The following SART1 variants were observed in gnomAD, a reference collection of about 807,000 sequenced individuals.
The protein encoded by SART1 is U4/U6.U5 tri-snRNP-associated protein 1.
Under a neutral mutation model 105.0 loss-of-function variants are expected in SART1, and 28 were observed. The observed-to-expected ratio is 0.27, with a 90% CI of 0.20 to 0.37. SART1 has a LOEUF of 0.37. SART1 is among the 10% of genes least tolerant of loss of function. The pLI is 1.00. For missense variants in SART1, 894 were observed against 1,106.5 expected, an observed-to-expected ratio of 0.81 and a Z score of 2.72; for synonymous variants, 472 against 462.9, an observed-to-expected ratio of 1.02 and a Z score of -0.25.
At chr11:65,963,792 G>A (rs1358802247) in intron 1 of SART1, among the ~76,000 whole-genome samples, 1 of 152,176 alleles carries the variant, frequency 6.6e-6, no homozygotes, top group African/African-American at 2.4e-5. Flanking sequence ...GACCTTGTCT[G>A]TTAAAAATGA....
chr11:65,965,319 G>T, intron 4 of SART1, 23 bp from the exon 5 acceptor site: 1 of 1,595,642 alleles, frequency 6.3e-7, no homozygotes, highest in South Asian at 1.1e-5. Context: ...GGCTCCTTGA[G>T]CATCACTTTT....
rs1381665548 is a variant in SART1 at position 65,979,102 on chromosome 11, T to A, written c.*72T>A. 1.9e-6 allele frequency: 3 copies of A among 1,592,980 alleles called. No individual in the cohort carries two copies. The African/African-American group carries it at 4.0e-5, about 21-fold the overall frequency. ...AGCTCCCTCCTTATTTTTTCCTCCC[T>A]GGTCGTGGTACAGATTCCAGGGTTG... On this transcript the variant is annotated 3_prime_UTR_variant, in exon 20 of 20. Coordinates refer to ENST00000312397, the MANE Select transcript of SART1 (RefSeq NM_005146.5).
intron 12 of SART1, 76 bp downstream of exon 12, chr11:65,967,897 C>G (rs1349825033): frequency 5.0e-6 from 6 of 1,210,598 alleles, no homozygotes; most frequent in Non-Finnish European, 6.7e-6. Flanking sequence ...TAGGCGACAG[C>G]CACATTCCTG....
In SART1 at chr11:65,962,032, C is replaced by G. The variant is rs1406493803; in HGVS notation, c.252C>G (p.Ser84Arg). ...ARSSTHGRER[S>R]QAEPSERRVK... ...GCAGCACGCACGGGCGGGAGCGCAG[C>G]CAGGCAGAGCCCTCCGAGCGGCGCG... is the stretch of plus-strand genomic sequence containing the variant. The change falls in exon 1 of 20, where the codon AGC becomes AGG. Residue 84 changes from serine to arginine, a missense_variant. Physicochemically the swap from Ser to Arg is moderately radical, Grantham distance 110. Coordinates refer to ENST00000312397, the MANE Select transcript of SART1 (RefSeq NM_005146.5). 6.6e-7 allele frequency: 1 copy of G among 1,505,010 alleles called. No homozygotes were observed. Among genetic ancestry groups the G allele is most frequent in the South Asian group, 1.2e-5 (1 of 80,746 alleles). 93.2% of individuals were successfully genotyped at this position (1,505,010 alleles called of 1,614,324 possible).
chr11:65,962,220 A>G lies in SART1; in HGVS notation c.313+127A>G, dbSNP rs377261046. 9.7e-5 allele frequency: 68 copies of G among 700,400 alleles called. No individual in the cohort carries two copies. The African/African-American group carries it at 1.1e-3, about 11-fold the overall frequency. The allele number at this position is 700,400 out of a possible 1,614,324, so 43.4% of individuals were successfully genotyped here. A position where few individuals can be genotyped will look rare whatever the true frequency, so the allele number is the denominator to read the frequency against. On this transcript the variant is annotated intron_variant, in intron 1 of 19. Coordinates refer to ENST00000312397, the MANE Select transcript of SART1 (RefSeq NM_005146.5). ...AACCCCCAAGCTGTTTACCAGCTCT[A>G]TTAAATAGTCTTTCTACGGGATCCC...
At position 65,976,739 on chromosome 11, in the gene SART1, C is replaced by T. The variant is rs759412975; in HGVS notation, c.1830C>T (p.Asn610=). ...GEENIGWSTV[N]LDEEKQQQDF... ...AGAACATCGGCTGGAGCACGGTGAA[C>T]CTGGACGAGGAGAAGCAGCAGCAGG... The change falls in exon 14 of 20, where the codon AAC becomes AAT. Residue 610 remains asparagine (N), a synonymous_variant. Transcript: ENST00000312397. This position sits in a 1 kb window ranked among gnomAD's most constrained non-coding sequence, Gnocchi z 5.1. 1 of 1,612,158 alleles carries T rather than the reference C, an allele frequency of 6.2e-7. No individual in the cohort carries two copies. The highest frequency in any genetic ancestry group is 8.5e-7 in the Non-Finnish European group (1 of 1,179,418).
At chr11:65,964,022 T>C (rs1855198513) in intron 1 of SART1, 52 bp from the exon 2 acceptor site, 1 of 1,570,250 alleles carries the variant, frequency 6.4e-7, no homozygotes, top group Non-Finnish European at 8.7e-7. Flanking sequence ...CCAACGATGC[T>C]GGCTTCTTGG....
At chr11:65,966,689 T>A in intron 9 of SART1, 133 bp downstream of exon 9, 1 of 1,040,518 alleles carries the variant, frequency 9.6e-7, no homozygotes, top group Non-Finnish European at 1.3e-6. Context: ...GGGTGAGCAC[T>A]AAATGGCAAC....
In SART1 at chr11:65,977,030, C is replaced by G. The variant is rs975817167; in HGVS notation, c.1874C>G (p.Thr625Ser). The G allele has an allele frequency of 6.2e-7, 1 of 1,613,650 alleles. No individual in the cohort carries two copies. The highest frequency in any genetic ancestry group is 1.3e-5 in the African/African-American group (1 of 74,904). Residue 625 changes from threonine (T) to serine (S), a missense_variant, in exon 15 of 20, where the codon ACC becomes AGC. By Grantham distance (58) the Thr-to-Ser change is moderately conservative (BLOSUM62 1). Coordinates refer to ENST00000312397, the MANE Select transcript of SART1 (RefSeq NM_005146.5). ...KQQQDFSASSTTILDEEPIVN... is the reference protein window; with the variant it reads ...KQQQDFSASSSTILDEEPIVN... ...GTCCCGTAGTTCTCTGCTTCCTCCA[C>G]CACCATCCTGGACGAGGAACCGATC...
At chr11:65,964,209 C>A in intron 2 of SART1, 78 bp downstream of exon 2, 1 of 1,207,662 alleles carries the variant, frequency 8.3e-7, no homozygotes, top group South Asian at 1.2e-5. Context: ...GAGGCTTTCT[C>A]ACATGAAAGT....
chr11:65,970,144 T>C (rs1227548592), intron 12 of SART1, among the ~76,000 whole-genome samples: 1 of 152,160 alleles, frequency 6.6e-6, no homozygotes, highest in East Asian at 1.9e-4. Flanking sequence ...ATTGTTACAG[T>C]TCTTTTCTTT....
intron 12 of SART1, among the ~76,000 whole-genome samples, chr11:65,969,416 G>T (rs929548820): frequency 2.6e-5 from 4 of 152,200 alleles, no homozygotes; most frequent in African/African-American, 7.2e-5. Flanking sequence ...GTGGATCTCA[G>T]CCTGCCTGCA....
chr11:65,979,267 C>T lies in SART1; in HGVS notation c.*237C>T. ...CCTTCCTTCTCCCCTGGCTGTCGGT[C>T]ACACCTCTGCAGGGCCGGCTCTCTG... On this transcript the variant is annotated 3_prime_UTR_variant, in exon 20 of 20. Transcript: ENST00000312397. The T allele has an allele frequency of 1.6e-6, 1 of 606,954 alleles. No individual in the cohort carries two copies. Among genetic ancestry groups the T allele is most frequent in the Non-Finnish European group, 2.9e-6 (1 of 342,192 alleles). The allele number at this position is 606,954 out of a possible 1,614,324, so 37.6% of individuals were successfully genotyped here. A position where few individuals can be genotyped will look rare whatever the true frequency, so the allele number is the denominator to read the frequency against.
intron 2 of SART1, 147 bp from the exon 3 acceptor site, chr11:65,964,368 G>T: frequency 3.1e-6 from 3 of 981,132 alleles, no homozygotes; most frequent in East Asian, 2.5e-5. Context: ...GGAGGCCAGG[G>T]CCCTTCCCAG....
At chr11:65,977,192 TTCTC>T (rs1855500454) in intron 15 of SART1, 91 bp downstream of exon 15, 3 of 909,360 alleles carry the variant, frequency 3.3e-6, no homozygotes, top group Non-Finnish European at 3.5e-6. Context: ...TGCTGCCCCT[TTCTC>T]TCAGTCCCAA....
In SART1 at chr11:65,979,024, C is replaced by T. The variant is rs761756990; in HGVS notation, c.2397C>T (p.Thr799=). The T allele has an allele frequency of 5.0e-6, 8 of 1,614,072 alleles. No homozygotes were observed. Among genetic ancestry groups the T allele is most frequent in the Non-Finnish European group, 6.8e-6 (8 of 1,180,012 alleles). The change falls in exon 20 of 20, where the codon ACC becomes ACT. Residue 799 remains threonine, a synonymous_variant. Transcript: ENST00000312397. ...TTCTTCTCTGCAGGAACACCATCACCAAGTGACAGCGCCCTCCCGCCCCGG... is the reference window on the plus strand; with the variant it reads ...TTCTTCTCTGCAGGAACACCATCACTAAGTGACAGCGCCCTCCCGCCCCGG... The part of the protein sequence containing the change: ...SGKSMNANTI[T]K
Position 65,966,118 on chromosome 11 carries a change from T to G in SART1, c.881T>G (p.Leu294Arg). The G allele has an allele frequency of 6.2e-7, 1 of 1,613,952 alleles. No homozygotes were observed. The highest frequency in any genetic ancestry group is 8.5e-7 in the Non-Finnish European group (1 of 1,180,008). Residue 294 changes from leucine (L) to arginine (R), a missense_variant, in exon 8 of 20, where the codon CTG becomes CGG. This residue lies in a region of SART1 where 712 missense variants were observed against 778.2 expected (regional missense o/e 0.91). Transcript: ENST00000312397. ...GAGGACGTGCTGGTGAACGTGAACC[T>G]GGTGGATAAGGAGCGGGCAGAGAAA... ...EEEDVLVNVNLVDKERAEKNV... is the reference protein window; with the variant it reads ...EEEDVLVNVNRVDKERAEKNV...
chr11:65,977,912 T>A lies in SART1; in HGVS notation c.2172+13T>A. On this transcript the variant is annotated intron_variant, in intron 17 of 19. Transcript: ENST00000312397. ...CACACCCAAGGAGGTGAGCAGGGCC[T>A]TTTGCAGGCGGAGGCCCGGCCTGCC... is the stretch of plus-strand genomic sequence containing the variant. 6.3e-7 allele frequency: 1 copy of A among 1,595,870 alleles called. No individual in the cohort carries two copies.
intron 12 of SART1, among the ~76,000 whole-genome samples, chr11:65,969,809 A>G (rs751041043): frequency 6.6e-6 from 1 of 152,178 alleles, no homozygotes; most frequent in Non-Finnish European, 1.5e-5. Flanking sequence ...TGCAACCTCC[A>G]TGTCCCGGGC....
Sources: allele counts gnomAD v4.1 joint callset (sites outside exome capture counted in the v4.1 genomes callset), GRCh38; gene constraint gnomAD v4.1.1; regional missense constraint gnomAD v4.1.1; non-coding constraint Gnocchi (gnomAD v3.1); transcripts MANE v1.5; gene names NCBI Gene and HGNC (gene_info 2026-07-23, HGNC 2026-07-21).